Variants in ARID1B observed in about 807,000 individuals in gnomAD.
ARID1B encodes the protein AT-rich interaction domain 1B, also known as AT-rich interactive domain-containing protein 1B.
ARID1B carries 30 observed loss-of-function variants against 212.3 expected under a neutral mutation model. The ratio of observed to expected loss-of-function variants is 0.14; its 90% CI spans 0.11 to 0.19. The LOEUF is 0.19. Ranked by LOEUF, ARID1B falls within the 10% of genes least tolerant of loss-of-function variation. ARID1B has a pLI of 1.00. For synonymous variants in ARID1B, 1,402 were observed against 1,301.7 expected, an observed-to-expected ratio of 1.08 and a Z score of -1.66; for missense variants, 2,891 against 3,204.0, an observed-to-expected ratio of 0.90 and a Z score of 2.36.
At chr6:157,189,511 T>G in intron 13 of ARID1B, 131 bp from the exon 14 acceptor site, 1 of 1,104,718 alleles carries the variant, frequency 9.1e-7, no homozygotes, top group Non-Finnish European at 1.3e-6. Flanking sequence ...GCAATGGCTA[T>G]TGTTACTGTT....
chr6:156,787,830 A>G (rs1431925255), intron 1 of ARID1B, among the ~76,000 whole-genome samples: 1 of 152,116 alleles, frequency 6.6e-6, no homozygotes, highest in East Asian at 1.9e-4. Context: ...TGGTAAGATC[A>G]TGGGCTTGGA....
At chr6:156,807,747 G>A (rs1411257190) in intron 1 of ARID1B, among the ~76,000 whole-genome samples, 3 of 152,158 alleles carry the variant, frequency 2.0e-5, no homozygotes, top group Non-Finnish European at 2.9e-5. Flanking sequence ...ACAGTGGTTC[G>A]ACTTTTTGCT....
intron 6 of ARID1B, among the ~76,000 whole-genome samples, chr6:157,121,685 T>C (rs1433805842): frequency 1.5e-5 from 2 of 137,212 alleles, no homozygotes; most frequent in Non-Finnish European, 3.0e-5. Context: ...CAGGCTGGAG[T>C]GCAGTGGCGC....
chr6:156,900,055 A>G (rs1788793762), intron 2 of ARID1B, among the ~76,000 whole-genome samples: 1 of 152,264 alleles, frequency 6.6e-6, no homozygotes, highest in Non-Finnish European at 1.5e-5. Context: ...TGGCAGGGAC[A>G]TAACATTCAT....
chr6:156,977,077 GTAATACA>G, intron 4 of ARID1B: 1 of 259,896 alleles, frequency 3.8e-6, no homozygotes, highest in Non-Finnish European at 7.2e-6. Flanking sequence ...TTCTAGGGAT[GTAATACA>G]TATTTACAAA....
intron 4 of ARID1B, among the ~76,000 whole-genome samples, chr6:156,981,079 C>A (rs946076421): frequency 6.6e-6 from 1 of 152,162 alleles, no homozygotes; most frequent in Admixed American, 6.5e-5. Flanking sequence ...AAAGGTATTT[C>A]ATTTCTTGAG....
At chr6:157,112,738 AAACTTTTAACTTAAATTGATCCACTTTC>A (rs1350443587) in intron 6 of ARID1B, among the ~76,000 whole-genome samples, 4 of 152,208 alleles carry the variant, frequency 2.6e-5, no homozygotes, top group Admixed American at 2.6e-4. Flanking sequence ...TAGCTAAATC[AAACTTTTAACTTAAATTGATCCACTTTC>A]AAGGCAAAAT....
intron 2 of ARID1B, among the ~76,000 whole-genome samples, chr6:156,873,141 T>A (rs1296941934): frequency 5.3e-5 from 8 of 152,228 alleles, no homozygotes; most frequent in African/African-American, 1.9e-4. Flanking sequence ...TCCTGGCACC[T>A]TGCATGATGC....
At chr6:157,146,911 A>G (rs1281057913) in intron 7 of ARID1B, among the ~76,000 whole-genome samples, 1 of 152,164 alleles carries the variant, frequency 6.6e-6, no homozygotes, top group Non-Finnish European at 1.5e-5. Flanking sequence ...TATTGGTCAA[A>G]TACATGGGTC....
At chr6:157,087,548 C>T (rs572229878) in intron 5 of ARID1B, among the ~76,000 whole-genome samples, 3 of 152,146 alleles carry the variant, frequency 2.0e-5, no homozygotes, top group Non-Finnish European at 4.4e-5. Flanking sequence ...TTGATTCTTA[C>T]GATGTTACGT....
At chr6:157,052,032 A>T (rs1024860700) in intron 4 of ARID1B, among the ~76,000 whole-genome samples, 2 of 152,230 alleles carry the variant, frequency 1.3e-5, no homozygotes, top group African/African-American at 4.8e-5. Flanking sequence ...TTGCAGAAAA[A>T]GACTGTTAAA....
At chr6:157,181,764 C>T (rs1055095250) in intron 12 of ARID1B, among the ~76,000 whole-genome samples, 3 of 152,144 alleles carry the variant, frequency 2.0e-5, no homozygotes, top group Admixed American at 6.5e-5. Flanking sequence ...AGAGTGAGTG[C>T]GTCCTGAAGT....
Position 157,133,168 on chromosome 6 carries a change from G to A in ARID1B, c.2722G>A (p.Gly908Arg), listed in dbSNP as rs1788671599. 5 of 1,613,730 alleles carry A rather than the reference G, an allele frequency of 3.1e-6. No homozygotes were observed. Among genetic ancestry groups the A allele is most frequent in the Non-Finnish European group, 4.2e-6 (5 of 1,179,858 alleles). The change falls in exon 7 of 20, where the codon GGG (glycine) becomes AGG (arginine). Residue 908 changes from glycine (G) to arginine (R), a missense_variant. Around this residue, in one of 7 missense-constraint regions of ARID1B, gnomAD observed 1,643 missense variants for 1,544.0 expected, o/e 1.06. Transcript: ENST00000636930. ...ISSFQQSNSSGTYGPQMSQYG... is the reference protein window; with the variant it reads ...ISSFQQSNSSRTYGPQMSQYG... ...TAGCTTTCAGCAGAGTAACTCAAGT[G>A]GGACTTACGGTCCACAGATGAGCCA... is the stretch of plus-strand genomic sequence containing the variant.
intron 3 of ARID1B, among the ~76,000 whole-genome samples, chr6:156,921,058 A>G (rs1181166408): frequency 6.6e-6 from 1 of 151,968 alleles, no homozygotes; most frequent in Non-Finnish European, 1.5e-5. Context: ...CCACTGTTTT[A>G]CCAGTTGCCA....
At chr6:157,011,965 C>T (rs940042933) in intron 4 of ARID1B, among the ~76,000 whole-genome samples, 2 of 152,166 alleles carry the variant, frequency 1.3e-5, no homozygotes, top group Admixed American at 6.5e-5. Context: ...AGAGAAAAAG[C>T]GCAGCTCATC....
chr6:156,860,176 A>T (rs576926654), intron 2 of ARID1B, among the ~76,000 whole-genome samples: 2 of 152,338 alleles, frequency 1.3e-5, no homozygotes, highest in African/African-American at 4.8e-5. Flanking sequence ...ATGCTTACAA[A>T]TTTTTAATGC....
At chr6:156,933,282 G>C (rs1013363435) in intron 3 of ARID1B, among the ~76,000 whole-genome samples, 1 of 151,996 alleles carries the variant, frequency 6.6e-6, no homozygotes, top group African/African-American at 2.4e-5. Context: ...CTGTGTGCAC[G>C]TGTGTTGGAG....
intron 4 of ARID1B, among the ~76,000 whole-genome samples, chr6:156,948,549 T>C (rs1165522657): frequency 5.9e-5 from 9 of 152,222 alleles, no homozygotes; most frequent in Admixed American, 5.9e-4. Flanking sequence ...AGCCCCATAG[T>C]TGCTGCATTT....
chr6:157,131,056 G>A (rs1180048240), intron 6 of ARID1B, among the ~76,000 whole-genome samples: 2 of 152,116 alleles, frequency 1.3e-5, no homozygotes, highest in East Asian at 3.8e-4. Context: ...GAGAGTGGAG[G>A]TACCTGGCCT....
Sources: gnomAD v4.1 joint callset for allele counts (sites outside exome capture counted in the v4.1 genomes callset) on GRCh38, gnomAD v4.1.1 for gene constraint, gnomAD v4.1.1 regional missense constraint, MANE v1.5 for transcripts, NCBI Gene and HGNC (gene_info 2026-07-23, HGNC 2026-07-21) for gene names.